Variants in DDX3X observed in about 807,000 individuals in gnomAD.
The protein encoded by DDX3X is DEAD-box helicase 3 X-linked.
In DDX3X, 4 loss-of-function variants were observed where a neutral mutation model predicts 52.7. That is an observed-to-expected ratio of 0.08 (90% CI 0.04 to 0.17). DDX3X has a LOEUF of 0.17. Ranked by LOEUF, DDX3X falls within the 10% of genes least tolerant of loss-of-function variation. The pLI is 1.00. For missense variants in DDX3X, 222 were observed against 548.6 expected, an observed-to-expected ratio of 0.40 and a Z score of 5.95; for synonymous variants, 192 against 178.1, an observed-to-expected ratio of 1.08 and a Z score of -0.62.
downstream of DDX3X, among the ~76,000 whole-genome samples, chrX:41,352,185 C>T (rs1032138877): frequency 9.0e-6 from 1 of 111,375 alleles, no homozygotes; most frequent in Non-Finnish European, 1.9e-5. Flanking sequence ...ATTTCCTCCC[C>T]CCTCTTCAAA....
chrX:41,353,219 C>T (rs373682855), downstream of DDX3X, among the ~76,000 whole-genome samples: 73 of 98,773 alleles, frequency 7.4e-4, 1 homozygote, highest in South Asian at 0.033. Flanking sequence ...TTTGGGAGGC[C>T]GAGGCAGGCA....
At chrX:41,356,019 C>A (rs1344249011) in intron 5 of DDX3X, among the ~76,000 whole-genome samples, 1 of 110,955 alleles carries the variant, frequency 9.0e-6, no homozygotes, top group Non-Finnish European at 1.9e-5. Flanking sequence ...TTTTTGACAG[C>A]TTGCAAATAT....
At chrX:41,350,883 A>G (rs933700591), downstream of DDX3X, 4 of 112,155 alleles carry the variant, frequency 3.6e-5, no homozygotes, top group African/African-American at 1.3e-4. Flanking sequence ...GTTTCAATCT[A>G]ACAAATACGT....
chrX:41,348,825 T>C lies in DDX3X; in HGVS notation c.*1106T>C, dbSNP rs1421784852. On this transcript the variant is annotated 3_prime_UTR_variant, in exon 17 of 17. Coordinates refer to ENST00000644876, the MANE Select transcript of DDX3X (RefSeq NM_001356.5). Reference sequence around the variant, plus strand: ...GTTGAGATGTTAAACTGGCTTACTATAGACTTCGTAAAAATGGCTCCAGAA... The same window carrying C: ...GTTGAGATGTTAAACTGGCTTACTACAGACTTCGTAAAAATGGCTCCAGAA... The C allele has an allele frequency of 8.9e-6, 1 of 112,593 alleles. No individual in the cohort carries two copies. Among genetic ancestry groups the C allele is most frequent in the Non-Finnish European group, 1.9e-5 (1 of 53,273 alleles). The allele number at this position is 112,593 out of a possible 1,213,427, so 9.3% of individuals were successfully genotyped here.
chrX:41,345,106 A>C (rs2063906222), intron 10 of DDX3X, 74 bp from the exon 11 acceptor site: 2 of 987,704 alleles, frequency 2.0e-6, no homozygotes, highest in Non-Finnish European at 2.9e-6. Context: ...AATTATACTA[A>C]CAGCCATACT....
chrX:41,344,420 G>GT (rs200111332), intron 10 of DDX3X, 21 bp downstream of exon 10: 5 of 1,203,587 alleles, frequency 4.2e-6, no homozygotes, highest in South Asian at 3.6e-5. Context: ...TTTTGTTTTT[G>GT]TTTTTTTGTT....
chrX:41,337,546 A>C, intron 2 of DDX3X, 81 bp downstream of exon 2: 1 of 874,840 alleles, frequency 1.1e-6, no homozygotes, highest in Non-Finnish European at 1.6e-6. Context: ...AAAATTTAAG[A>C]AATTTGCCTT....
rs753358534 is a variant in DDX3X at position 41,343,134 on chromosome X, TGTTG to T, written c.544-73_544-70del. 914 of 1,022,122 alleles carry T rather than the reference TGTTG, an allele frequency of 8.9e-4. 2 individuals carry two copies. The highest frequency in any genetic ancestry group is 1.1e-3 in the Non-Finnish European group (835 of 746,139). 84.2% of individuals were successfully genotyped at this position (1,022,122 alleles called of 1,213,427 possible). On this transcript the variant is annotated intron_variant, in intron 6 of 16. Transcript: ENST00000644876. The stretch of plus-strand genomic sequence containing the variant: ...ACTATAAACTGAGTTACCAATCAGC[TGTTG>T]GTTGGTTGTTTCCATTATTAGTATA...
downstream of DDX3X, chrX:41,350,828 T>G (rs764880176): frequency 8.9e-6 from 1 of 111,931 alleles, no homozygotes; most frequent in Non-Finnish European, 1.9e-5. Context: ...CTACCACAAG[T>G]GTATAGGTGC....
At position 41,341,698 on chromosome X, in the gene DDX3X, A is replaced by G. The variant is rs1392900884; in HGVS notation, c.284+82A>G. ...TATCCTGACCACCTGTTTGGATGTT[A>G]AGCATTATGTCTGTTTGGTCATTGT... On this transcript the variant is annotated intron_variant, in intron 4 of 16. Transcript: ENST00000644876. 5 of 944,464 alleles carry G rather than the reference A, an allele frequency of 5.3e-6. No individual in the cohort carries two copies. In the African/African-American group the frequency reaches 9.6e-5, roughly 18 times the overall value. The allele number at this position is 944,464 out of a possible 1,213,427, so 77.8% of individuals were successfully genotyped here.
chrX:41,359,924 G>A (rs776697229), intron 5 of DDX3X, among the ~76,000 whole-genome samples: 290 of 109,910 alleles, frequency 2.6e-3, no homozygotes, highest in Non-Finnish European at 4.5e-3. Context: ...GGAGCTTGCA[G>A]TGAGCCGAGA....
chrX:41,347,249 A>T, intron 15 of DDX3X, 63 bp from the exon 16 acceptor site: 1 of 1,113,766 alleles, frequency 9.0e-7, no homozygotes, highest in Non-Finnish European at 1.2e-6. Flanking sequence ...TCATTAGGAA[A>T]GAGTTAGGTT....
chrX:41,351,005 A>AT, downstream of DDX3X: 1 of 112,263 alleles, frequency 8.9e-6, no homozygotes, highest in East Asian at 2.8e-4. Context: ...CAAAATAAGC[A>AT]TAAGTTTTTA....
At chrX:41,336,035 G>A (rs2063763476) in intron 1 of DDX3X, 1 of 112,281 alleles carries the variant, frequency 8.9e-6, no homozygotes, top group African/African-American at 3.2e-5. Context: ...GAAATTAGGT[G>A]CCTGAAGTCT....
At chrX:41,354,361 T>TTTTTTTTTTTTTTTTG (rs2064000579), downstream of DDX3X, among the ~76,000 whole-genome samples, 1 of 103,344 alleles carries the variant, frequency 9.7e-6, no homozygotes, top group Non-Finnish European at 2.0e-5. Context: ...TTTTTTTTTT[T>TTTTTTTTTTTTTTTTG]GAGACAGGGT....
chrX:41,359,913 T>G (rs1291174049), intron 5 of DDX3X, among the ~76,000 whole-genome samples: 1 of 90,636 alleles, frequency 1.1e-5, no homozygotes, highest in Non-Finnish European at 2.3e-5. Flanking sequence ...ACCCGGGAGG[T>G]GGAGCTTGCA....
chrX:41,351,427 G>A (rs2063985309), downstream of DDX3X: 1 of 111,652 alleles, frequency 9.0e-6, no homozygotes, highest in Non-Finnish European at 1.9e-5. Flanking sequence ...CTTTATAGGA[G>A]CTGTGTCTAA....
In DDX3X at chrX:41,348,582, A is replaced by G. The variant is rs2063955438; in HGVS notation, c.*863A>G. ...TTGAAATAGGTTTTTAGGAGAATTC[A>G]TCTACTTAGACTTTTTAAATGCCTG... On this transcript the variant is annotated 3_prime_UTR_variant, in exon 17 of 17. Coordinates refer to ENST00000644876, the MANE Select transcript of DDX3X (RefSeq NM_001356.5). The G allele has an allele frequency of 8.9e-6, 1 of 112,525 alleles. No individual in the cohort carries two copies. Among genetic ancestry groups the G allele is most frequent in the Admixed American group, 9.5e-5 (1 of 10,565 alleles). The allele number at this position is 112,525 out of a possible 1,213,427, so 9.3% of individuals were successfully genotyped here. A position where few individuals can be genotyped will look rare whatever the true frequency, so the allele number is the denominator to read the frequency against.
intron 2 of DDX3X, 194 bp downstream of exon 2, chrX:41,337,659 G>A (rs1205379793): frequency 3.2e-6 from 1 of 308,416 alleles, no homozygotes; most frequent in Non-Finnish European, 5.4e-6. Flanking sequence ...TTTTTTTTTT[G>A]GTTGAGATGG....
Sources: gnomAD v4.1 joint callset for allele counts (sites outside exome capture counted in the v4.1 genomes callset) on GRCh38, gnomAD v4.1.1 for gene constraint, MANE v1.5 for transcripts, NCBI Gene and HGNC (gene_info 2026-07-23, HGNC 2026-07-21) for gene names.